AOAH: variants seen among roughly 807,000 people sequenced by gnomAD.
AOAH encodes the protein acyloxyacyl hydrolase.
Under a neutral mutation model 92.2 loss-of-function variants are expected in AOAH, and 64 were observed. The ratio of observed to expected loss-of-function variants is 0.69; its 90% CI spans 0.57 to 0.86. AOAH has a LOEUF of 0.86. AOAH is among the 40% of genes least tolerant of loss of function. The pLI is 0.00. For missense variants in AOAH, 656 were observed against 694.6 expected (o/e 0.94, Z 0.62); for synonymous variants, 263 against 254.5 (o/e 1.03, Z -0.32).
At chr7:36,603,008 C>T (rs927016988) in intron 11 of AOAH, among the ~76,000 whole-genome samples, 1 of 152,216 alleles carries the variant, frequency 6.6e-6, no homozygotes, top group African/African-American at 2.4e-5. Context: ...CTGCAGCAAC[C>T]TCTGGCCAGG....
chr7:36,679,738 A>G (rs1796523269), intron 2 of AOAH, among the ~76,000 whole-genome samples: 1 of 152,022 alleles, frequency 6.6e-6, no homozygotes, highest in African/African-American at 2.4e-5. Context: ...GCTCACTGCA[A>G]CCTCCACCTC....
rs115129640 is a variant in AOAH, at chr7:36,648,144, A to G, written c.391-10234T>C. Among the ~76,000 whole-genome samples the G allele has an allele frequency of 5.1e-3, 773 of 152,172 alleles. 2 individuals are homozygous for G. The highest frequency in any genetic ancestry group is 0.018 in the African/African-American group (739 of 41,534). ...CTGCCTCAACCTCCCAAGTGCTGGG[A>G]TTACGCCCGGCCCTCTTAGAGTTTT... On this transcript the variant is annotated intron_variant, in intron 4 of 20. Coordinates refer to ENST00000617537, the MANE Select transcript of AOAH (RefSeq NM_001637.4).
chr7:36,609,091 C>T (rs113771486), intron 11 of AOAH, among the ~76,000 whole-genome samples: 1 of 152,062 alleles, frequency 6.6e-6, no homozygotes, highest in Non-Finnish European at 1.5e-5. Context: ...AACCCCAACC[C>T]GGTGAGTCAT....
intron 19 of AOAH, 88 bp downstream of exon 19, chr7:36,530,330 T>C: frequency 1.1e-6 from 1 of 881,814 alleles, no homozygotes; most frequent in Non-Finnish European, 1.9e-6. Context: ...TGCTGCCTGG[T>C]GGCTTATAAA....
intron 15 of AOAH, among the ~76,000 whole-genome samples, chr7:36,543,481 C>T (rs1221268197): frequency 1.3e-5 from 2 of 152,054 alleles, no homozygotes; most frequent in Non-Finnish European, 2.9e-5. Context: ...GATACAGCCA[C>T]GCTTTGGCAC....
At chr7:36,658,071 T>C (rs2116512746) in intron 4 of AOAH, among the ~76,000 whole-genome samples, 1 of 152,264 alleles carries the variant, frequency 6.6e-6, no homozygotes, top group Non-Finnish European at 1.5e-5. Flanking sequence ...TTAATTAAAG[T>C]TAACTAACTC....
chr7:36,600,172 GTTCAA>G (rs560842199), intron 11 of AOAH: 5 of 152,228 alleles, frequency 3.3e-5, no homozygotes, highest in African/African-American at 9.7e-5. Flanking sequence ...TGCACAAATT[GTTCAA>G]TTCAATTACA....
chr7:36,599,020 G>A lies in AOAH; in HGVS notation c.847-4590C>T, dbSNP rs763540418. 1.8e-4 allele frequency among the ~76,000 whole-genome samples: 28 copies of A among 152,288 alleles called. No homozygotes were observed. In the South Asian group the frequency reaches 4.3e-3, roughly 24 times the overall value. ...GAAAAATTTTCCAAACTTAAAGAGC[G>A]TGAGCAACCTAGTGAGTGTTAGATC... On this transcript the variant is annotated intron_variant, in intron 11 of 20. Coordinates refer to ENST00000617537, the MANE Select transcript of AOAH (RefSeq NM_001637.4).
intron 1 of AOAH, among the ~76,000 whole-genome samples, chr7:36,709,274 T>G (rs901161764): frequency 6.6e-6 from 1 of 152,130 alleles, no homozygotes; most frequent in African/African-American, 2.4e-5. Context: ...TGAAATCATC[T>G]GTCCCAATAG....
intron 11 of AOAH, among the ~76,000 whole-genome samples, chr7:36,601,413 A>T (rs142009855): frequency 2.0e-5 from 3 of 151,856 alleles, no homozygotes; most frequent in Non-Finnish European, 2.9e-5. Flanking sequence ...CAGGCACCAG[A>T]CTGTGCTGGG....
At chr7:36,579,350 T>C (rs1190112695) in intron 12 of AOAH, among the ~76,000 whole-genome samples, 1 of 147,196 alleles carries the variant, frequency 6.8e-6, no homozygotes, top group East Asian at 2.0e-4. Flanking sequence ...CCAGCCAAGC[T>C]CTGCTTGAAT....
intron 12 of AOAH, among the ~76,000 whole-genome samples, chr7:36,592,187 T>C (rs1248556490): frequency 6.6e-6 from 1 of 152,192 alleles, no homozygotes; most frequent in African/African-American, 2.4e-5. Flanking sequence ...GAGAAATGAC[T>C]AGACTGGGTG....
At chr7:36,587,069 C>T (rs574967337) in intron 12 of AOAH, among the ~76,000 whole-genome samples, 9 of 151,740 alleles carry the variant, frequency 5.9e-5, no homozygotes, top group East Asian at 1.9e-4. Context: ...CTCAGGAGTT[C>T]GCGACCAGCC....
chr7:36,535,453 C>T (rs537459741), intron 16 of AOAH, among the ~76,000 whole-genome samples: 8 of 152,064 alleles, frequency 5.3e-5, no homozygotes, highest in Admixed American at 2.0e-4. Flanking sequence ...TTCATTCAGA[C>T]GGAGGGAAAG....
rs200308661 is a variant in AOAH at position 36,522,041 on chromosome 7, C to T, written c.1597G>A (p.Glu533Lys). Residue 533 changes from glutamate (E) to lysine (K), a missense_variant and splice_region_variant, in exon 20 of 21, where the codon GAG becomes AAG. By Grantham distance (56) the Glu-to-Lys change is moderately conservative. Transcript: ENST00000617537. ...IEPVDGFHPN[E>K]VALLLLADHF... Reference sequence around the variant, plus strand: ...AGCCACCATGTGACTGTGCTTACCTCGTTGGGGTGGAATCCATCCACGGGC... The same window carrying T: ...AGCCACCATGTGACTGTGCTTACCTTGTTGGGGTGGAATCCATCCACGGGC... 5 of 1,614,118 alleles carry T rather than the reference C, an allele frequency of 3.1e-6. No individual in the cohort carries two copies. Among genetic ancestry groups the T allele is most frequent in the African/African-American group, 1.3e-5 (1 of 75,066 alleles).
chr7:36,674,009 T>C lies in AOAH; in HGVS notation c.224A>G (p.Glu75Gly), dbSNP rs1796093345. 6.3e-7 allele frequency: 1 copy of C among 1,589,216 alleles called. No homozygotes were observed. The highest frequency in any genetic ancestry group is 1.7e-5 in the Admixed American group (1 of 59,688). The stretch of plus-strand genomic sequence containing the variant: ...GCAGGTGGTTTTCAAGAACAGTTTT[T>C]CTAAAAAATATAAAGAGGGAAATTG... ...SMERLCSYLP[E>G]KLFLKTTCYL... The change falls in exon 3 of 21, where the codon GAA becomes GGA. Residue 75 changes from glutamate (E) to glycine (G), a missense_variant and splice_region_variant. By Grantham distance (98) the Glu-to-Gly change is moderately conservative. Transcript: ENST00000617537.
intron 1 of AOAH, among the ~76,000 whole-genome samples, chr7:36,722,566 A>G (rs910356961): frequency 6.6e-6 from 1 of 152,152 alleles, no homozygotes; most frequent in African/African-American, 2.4e-5. Flanking sequence ...TCTCCCAGGC[A>G]TGGTTCAAAG....
At chr7:36,685,739 A>G (rs1219778819) in intron 2 of AOAH, among the ~76,000 whole-genome samples, 1 of 152,188 alleles carries the variant, frequency 6.6e-6, no homozygotes, top group Non-Finnish European at 1.5e-5. Flanking sequence ...TTCACAAAAG[A>G]AAGATGTAAT....
chr7:36,535,074 GTGTC>G (rs1413273760), intron 16 of AOAH, among the ~76,000 whole-genome samples: 4 of 134,686 alleles, frequency 3.0e-5, no homozygotes, highest in African/African-American at 1.0e-4. Context: ...GTATCCGTGT[GTGTC>G]TGTGTCTCTG....
Sources: allele counts gnomAD v4.1 joint callset (sites outside exome capture counted in the v4.1 genomes callset), GRCh38; gene constraint gnomAD v4.1.1; transcripts MANE v1.5; gene names NCBI Gene and HGNC (gene_info 2026-07-23, HGNC 2026-07-21).